The following BORCS5 variants were observed in gnomAD, a reference collection of about 807,000 sequenced individuals.
The protein encoded by BORCS5 is BLOC-1-related complex subunit 5.
A neutral mutation model predicts 22.1 loss-of-function variants in BORCS5; 17 were observed. The ratio of observed to expected loss-of-function variants is 0.77; its 90% CI spans 0.53 to 1.15. The LOEUF (loss-of-function observed/expected upper bound fraction) is 1.15. Among genes scored for constraint, BORCS5 ranks in the 50% most tolerant of loss-of-function variants. The pLI is 0.00. For missense variants in BORCS5, 247 were observed against 253.2 expected (o/e 0.98, Z 0.17); for synonymous variants, 117 against 99.8 (o/e 1.17, Z -1.03).
Position 12,465,843 on chromosome 12 carries a change from G to A in BORCS5, c.*67G>A. ...ACACCCTGAGGACGTGTGGAGCTAA[G>A]GTCATATCATCTGACCAGGTCTGGA... On this transcript the variant is annotated 3_prime_UTR_variant, in exon 4 of 4. Coordinates refer to ENST00000314565, the MANE Select transcript of BORCS5 (RefSeq NM_058169.6). The A allele has an allele frequency of 3.6e-6, 5 of 1,389,338 alleles. No homozygotes were observed. The South Asian group carries it at 6.2e-5, about 17-fold the overall frequency. 86.1% of individuals were successfully genotyped at this position (1,389,338 alleles called of 1,614,324 possible). A position where few individuals can be genotyped will look rare whatever the true frequency, so the allele number is the denominator to read the frequency against.
intron 2 of BORCS5, among the ~76,000 whole-genome samples, chr12:12,387,920 A>AC (rs1261275592): frequency 1.3e-5 from 2 of 151,430 alleles, no homozygotes; most frequent in African/African-American, 2.4e-5. Flanking sequence ...AAGTCATTAA[A>AC]GAATGTTTAA....
At chr12:12,462,660 T>TTTTA (rs10627853) in intron 3 of BORCS5, among the ~76,000 whole-genome samples, 21 of 150,950 alleles carry the variant, frequency 1.4e-4, no homozygotes, top group Non-Finnish European at 2.7e-4. Context: ...ATTTATTTTA[T>TTTTA]TTTATTTATT....
intron 2 of BORCS5, among the ~76,000 whole-genome samples, chr12:12,369,229 A>G (rs1387515942): frequency 1.3e-5 from 2 of 152,198 alleles, no homozygotes; most frequent in Non-Finnish European, 2.9e-5. Flanking sequence ...TTTTCTATCA[A>G]TATAGCCACT....
chr12:12,441,918 C>G (rs1942691198), intron 3 of BORCS5, among the ~76,000 whole-genome samples: 1 of 152,134 alleles, frequency 6.6e-6, no homozygotes, highest in Non-Finnish European at 1.5e-5. Flanking sequence ...TCCTTGGCTT[C>G]TAGGCTGTGG....
intron 3 of BORCS5, among the ~76,000 whole-genome samples, chr12:12,441,537 G>A (rs1942682818): frequency 2.3e-5 from 2 of 88,598 alleles, no homozygotes; most frequent in Non-Finnish European, 4.6e-5. Flanking sequence ...ACACTGTAGT[G>A]TTAGCTCTTT....
intron 2 of BORCS5, among the ~76,000 whole-genome samples, chr12:12,375,694 A>G (rs1421264867): frequency 6.6e-6 from 1 of 152,234 alleles, no homozygotes; most frequent in African/African-American, 2.4e-5. Context: ...TCAGTTTCAC[A>G]GAAAGCCAGT....
intron 2 of BORCS5, among the ~76,000 whole-genome samples, chr12:12,415,576 A>AAGGGGAG (rs1404626287): frequency 7.9e-4 from 30 of 37,908 alleles, no homozygotes; most frequent in Non-Finnish European, 1.2e-3. Context: ...GGGGAGGGGG[A>AAGGGGAG]GGGGCGATTT....
chr12:12,412,900 C>CTGTTTTTTT (rs1941775325), intron 2 of BORCS5, among the ~76,000 whole-genome samples: 1 of 74,174 alleles, frequency 1.3e-5, no homozygotes, highest in Non-Finnish European at 2.5e-5. Context: ...TTGTGGTTTT[C>CTGTTTTTTT]TTTTTTTTTT....
intron 2 of BORCS5, among the ~76,000 whole-genome samples, chr12:12,380,604 A>C (rs1182828033): frequency 6.6e-6 from 1 of 151,454 alleles, no homozygotes; most frequent in Non-Finnish European, 1.5e-5. Context: ...GTTCATGTGA[A>C]TGTGTTTTTA....
At chr12:12,415,626 A>T (rs1432786680) in intron 2 of BORCS5, among the ~76,000 whole-genome samples, 1 of 143,706 alleles carries the variant, frequency 7.0e-6, no homozygotes, top group Non-Finnish European at 1.5e-5. Context: ...ATAGGCTGTT[A>T]CGTGGATTGA....
chr12:12,465,244 T>C (rs1185577178), intron 3 of BORCS5, among the ~76,000 whole-genome samples: 1 of 152,144 alleles, frequency 6.6e-6, no homozygotes, highest in Non-Finnish European at 1.5e-5. Flanking sequence ...GATTTCCACA[T>C]CCAGAATTCC....
intron 2 of BORCS5, among the ~76,000 whole-genome samples, chr12:12,384,932 A>G (rs1863849909): frequency 6.6e-6 from 1 of 151,094 alleles, no homozygotes; most frequent in Admixed American, 6.6e-5. Context: ...ACTTGCTTAT[A>G]TCTTTACATC....
intron 2 of BORCS5, among the ~76,000 whole-genome samples, chr12:12,384,959 G>T (rs1357180816): frequency 6.6e-6 from 1 of 151,284 alleles, no homozygotes; most frequent in Non-Finnish European, 1.5e-5. Context: ...CCTAGGGGTT[G>T]TCCATATGTC....
At chr12:12,412,940 G>T (rs1427752224) in intron 2 of BORCS5, among the ~76,000 whole-genome samples, 5 of 117,120 alleles carry the variant, frequency 4.3e-5, no homozygotes, top group East Asian at 2.5e-4. Context: ...ATAATTCTTG[G>T]GTGTTTCTCA....
intron 2 of BORCS5, among the ~76,000 whole-genome samples, chr12:12,412,036 T>C (rs1184016601): frequency 6.6e-6 from 1 of 152,220 alleles, no homozygotes; most frequent in Non-Finnish European, 1.5e-5. Flanking sequence ...TAATTTTAAG[T>C]TTTGAAATCA....
chr12:12,380,533 A>G (rs1449890058), intron 2 of BORCS5, among the ~76,000 whole-genome samples: 1 of 151,526 alleles, frequency 6.6e-6, no homozygotes, highest in Non-Finnish European at 1.5e-5. Context: ...TACTCTTTTG[A>G]GTCTGACTTC....
intron 2 of BORCS5, among the ~76,000 whole-genome samples, chr12:12,393,298 C>G (rs1941246304): frequency 6.6e-6 from 1 of 151,872 alleles, no homozygotes. Flanking sequence ...CAGGATGTAC[C>G]CTAGTTTAAA....
chr12:12,440,705 C>T (rs1472049709), intron 3 of BORCS5, among the ~76,000 whole-genome samples: 2 of 151,524 alleles, frequency 1.3e-5, no homozygotes, highest in Admixed American at 1.3e-4. Context: ...AACTTTGGGG[C>T]TTCAGGGACA....
In BORCS5 at chr12:12,465,657, C is replaced by T. The variant is rs757456437; in HGVS notation, c.472C>T (p.Arg158Cys). Residue 158 changes from arginine to cysteine, a missense_variant, in exon 4 of 4, where the codon CGC (arginine) becomes TGC (cysteine). Physicochemically the swap from Arg to Cys is radical, Grantham distance 180. Coordinates refer to ENST00000314565, the MANE Select transcript of BORCS5 (RefSeq NM_058169.6). ...KVNEMSAILR[R>C]IQMGIDQTVP... ...GAACGAGATGTCCGCCATCCTCCGC[C>T]GCATACAGATGGGCATCGACCAGAC... The T allele has an allele frequency of 1.1e-5, 18 of 1,614,146 alleles. No individual in the cohort carries two copies. The highest frequency in any genetic ancestry group is 1.1e-4 in the African/African-American group (8 of 74,948).
Sources: gnomAD v4.1 joint callset for allele counts (sites outside exome capture counted in the v4.1 genomes callset) on GRCh38, gnomAD v4.1.1 for gene constraint, MANE v1.5 for transcripts, NCBI Gene and HGNC (gene_info 2026-07-23, HGNC 2026-07-21) for gene names.